The following TMEM132D variants were observed in gnomAD, a reference collection of about 807,000 sequenced individuals.
TMEM132D encodes transmembrane protein 132D.
Under a neutral mutation model 62.3 loss-of-function variants are expected in TMEM132D, and 21 were observed. The observed-to-expected ratio is 0.34, with a 90% CI of 0.24 to 0.49. The LOEUF is 0.49. Among genes scored for constraint, TMEM132D ranks in the 20% least tolerant of loss-of-function variants. The pLI, the probability that TMEM132D is intolerant of heterozygous loss-of-function variation, is 0.99. For synonymous variants in TMEM132D, 621 were observed against 575.6 expected, an observed-to-expected ratio of 1.08 and a Z score of -1.13; for missense variants, 1,346 against 1,402.8, an observed-to-expected ratio of 0.96 and a Z score of 0.65.
At chr12:129,746,986 C>T (rs1869803841) in intron 1 of TMEM132D, among the ~76,000 whole-genome samples, 1 of 152,184 alleles carries the variant, frequency 6.6e-6, no homozygotes, top group African/African-American at 2.4e-5. Flanking sequence ...CCCCGTCTCT[C>T]ATCTGGGTGC....
At chr12:129,768,482 C>T (rs898819106) in intron 1 of TMEM132D, among the ~76,000 whole-genome samples, 9 of 149,976 alleles carry the variant, frequency 6.0e-5, no homozygotes, top group Admixed American at 2.7e-4. Flanking sequence ...TTTAAGGAAC[C>T]ATCCTTAAAA....
At chr12:129,456,165 G>A (rs11060357) in intron 3 of TMEM132D, among the ~76,000 whole-genome samples, 32,996 of 151,974 alleles carry the variant, frequency 0.22, 3,768 homozygotes, top group East Asian at 0.33. Context: ...AATCATGTGT[G>A]TATATATTAC....
At chr12:129,684,206 C>A (rs2137211033) in intron 2 of TMEM132D, among the ~76,000 whole-genome samples, 2 of 152,308 alleles carry the variant, frequency 1.3e-5, no homozygotes, top group East Asian at 3.9e-4. Context: ...ATTATAGTTT[C>A]CATAATCCCC....
intron 3 of TMEM132D, among the ~76,000 whole-genome samples, chr12:129,503,132 G>A (rs1302272855): frequency 6.6e-6 from 1 of 152,212 alleles, no homozygotes; most frequent in Non-Finnish European, 1.5e-5. Flanking sequence ...TAACCTCGCA[G>A]TAAGAATGAA....
At chr12:129,293,280 A>G (rs2135621148) in intron 4 of TMEM132D, among the ~76,000 whole-genome samples, 1 of 152,320 alleles carries the variant, frequency 6.6e-6, no homozygotes, top group East Asian at 1.9e-4. Flanking sequence ...GCTTGGGAGC[A>G]GCAGAGCCAA....
At chr12:129,283,189 G>C (rs7298994) in intron 4 of TMEM132D, among the ~76,000 whole-genome samples, 8,035 of 152,222 alleles carry the variant, frequency 0.053, 361 homozygotes, top group East Asian at 0.2. Flanking sequence ...ACTAGGCATT[G>C]TTCTTGGCTC....
intron 4 of TMEM132D, among the ~76,000 whole-genome samples, chr12:129,296,796 G>T (rs933760380): frequency 1.3e-5 from 2 of 152,178 alleles, no homozygotes; most frequent in African/African-American, 4.8e-5. Context: ...AGGGATTGGG[G>T]AAAGGAGGGG....
At chr12:129,599,014 G>A (rs1360368655) in intron 2 of TMEM132D, among the ~76,000 whole-genome samples, 2 of 152,174 alleles carry the variant, frequency 1.3e-5, no homozygotes, top group African/African-American at 4.8e-5. Flanking sequence ...GGAGTTTGGA[G>A]AGAATCTCTT....
At chr12:129,375,583 G>A (rs576661077) in intron 3 of TMEM132D, among the ~76,000 whole-genome samples, 6 of 152,270 alleles carry the variant, frequency 3.9e-5, no homozygotes, top group African/African-American at 9.6e-5. Context: ...AAACTGTATG[G>A]AGGAGTTAAT....
At chr12:129,884,063 C>T (rs1874683560) in intron 1 of TMEM132D, among the ~76,000 whole-genome samples, 1 of 152,182 alleles carries the variant, frequency 6.6e-6, no homozygotes, top group African/African-American at 2.4e-5. Flanking sequence ...TCCCAAGAAA[C>T]TAGGACCATG....
chr12:129,828,536 A>C (rs943003104), intron 1 of TMEM132D, among the ~76,000 whole-genome samples: 4 of 150,988 alleles, frequency 2.6e-5, no homozygotes, highest in Admixed American at 1.3e-4. Context: ...GTACAATATG[A>C]GCACTCAAAT....
chr12:129,674,569 CAAA>C (rs533190349), intron 2 of TMEM132D, among the ~76,000 whole-genome samples: 84 of 152,256 alleles, frequency 5.5e-4, no homozygotes, highest in African/African-American at 1.9e-3. Context: ...GACAGAGTCT[CAAA>C]ACAGTCACCT....
At chr12:129,572,341 C>T (rs1030844010) in intron 2 of TMEM132D, among the ~76,000 whole-genome samples, 14 of 152,236 alleles carry the variant, frequency 9.2e-5, no homozygotes, top group African/African-American at 1.9e-4. Context: ...CTGCCCTGGA[C>T]GGTGCCCGGT....
At chr12:129,581,520 G>C (rs1877862928) in intron 2 of TMEM132D, among the ~76,000 whole-genome samples, 1 of 152,228 alleles carries the variant, frequency 6.6e-6, no homozygotes, top group African/African-American at 2.4e-5. Flanking sequence ...AGGCCTGAGA[G>C]CCCCTGGCAA....
At chr12:129,594,722 T>C (rs927709615) in intron 2 of TMEM132D, among the ~76,000 whole-genome samples, 2 of 152,210 alleles carry the variant, frequency 1.3e-5, no homozygotes, top group African/African-American at 2.4e-5. Context: ...TGTTTCACAT[T>C]TGCTATTCCT....
chr12:129,239,643 C>T (rs975635793), intron 4 of TMEM132D, among the ~76,000 whole-genome samples: 2 of 152,102 alleles, frequency 1.3e-5, no homozygotes, highest in Non-Finnish European at 2.9e-5. Context: ...AGAGAGAATG[C>T]CATCTGATCA....
chr12:129,201,689 C>T (rs1031391449), intron 5 of TMEM132D, among the ~76,000 whole-genome samples: 3 of 152,046 alleles, frequency 2.0e-5, no homozygotes, highest in Non-Finnish European at 4.4e-5. Flanking sequence ...ATCTTGCTCC[C>T]ACAAGGACAG....
intron 2 of TMEM132D, among the ~76,000 whole-genome samples, chr12:129,584,350 T>G (rs149119086): frequency 3.7e-4 from 57 of 152,356 alleles, no homozygotes; most frequent in African/African-American, 1.4e-3. Context: ...TGATACAGAT[T>G]GTTCATACTG....
At position 129,119,754 on chromosome 12, in the gene TMEM132D, C is replaced by T. The variant is rs548484197; in HGVS notation, c.1444-35052G>A. On this transcript the variant is annotated intron_variant, in intron 5 of 8. Transcript: ENST00000422113. ...CTGTCCTTGGTTCTGGAGATACAGC[C>T]ATGAATGGTAGGGATGAAGTTTCTG... Among the ~76,000 whole-genome samples the T allele has an allele frequency of 1.6e-4, 24 of 152,110 alleles. No individual in the cohort carries two copies. In the South Asian group the frequency reaches 1.7e-3, roughly 11 times the overall value.
Sources: allele counts gnomAD v4.1 joint callset (sites outside exome capture counted in the v4.1 genomes callset), GRCh38; gene constraint gnomAD v4.1.1; transcripts MANE v1.5; gene names NCBI Gene and HGNC (gene_info 2026-07-23, HGNC 2026-07-21).